The following MYRFL variants were observed in gnomAD, a reference collection of about 807,000 sequenced individuals.
MYRFL encodes myelin regulatory factor like.
A neutral mutation model predicts 109.4 loss-of-function variants in MYRFL; 88 were observed. The ratio of observed to expected loss-of-function variants is 0.80; its 90% CI spans 0.68 to 0.96. The LOEUF (loss-of-function observed/expected upper bound fraction) is 0.96, where lower values mean the gene tolerates loss of function less well. MYRFL is among the 40% of genes least tolerant of loss of function. MYRFL has a pLI of 0.00. For synonymous variants in MYRFL, 324 were observed against 320.9 expected (o/e 1.01, Z -0.10); for missense variants, 957 against 954.9 (o/e 1.00, Z -0.03).
intron 2 of MYRFL, among the ~76,000 whole-genome samples, chr12:69,864,108 A>G (rs180766116): frequency 2.0e-5 from 3 of 152,216 alleles, no homozygotes; most frequent in East Asian, 3.9e-4. Flanking sequence ...CAGTTTGATT[A>G]TATGTTTCTA....
chr12:69,891,637 T>TTTCTTTCTTTCTGTCTTTC (rs1566002318), intron 7 of MYRFL, among the ~76,000 whole-genome samples: 1 of 53,788 alleles, frequency 1.9e-5, no homozygotes, highest in African/African-American at 5.7e-5. Context: ...CTTCCTTTCT[T>TTTCTTTCTTTCTGTCTTTC]TTTCTTTCTT....
intron 1 of MYRFL, among the ~76,000 whole-genome samples, chr12:69,835,070 A>G (rs1459126117): frequency 3.3e-5 from 5 of 152,198 alleles, no homozygotes; most frequent in Admixed American, 6.5e-5. Flanking sequence ...AGAGACTGCA[A>G]ATTCATTTTA....
At chr12:69,862,977 C>T (rs1884786479) in intron 2 of MYRFL, among the ~76,000 whole-genome samples, 1 of 151,742 alleles carries the variant, frequency 6.6e-6, no homozygotes, top group African/African-American at 2.4e-5. Flanking sequence ...TGAATTTTGT[C>T]AAAGGCCTTT....
intron 2 of MYRFL, among the ~76,000 whole-genome samples, chr12:69,877,935 C>T (rs2136331766): frequency 6.6e-6 from 1 of 152,192 alleles, no homozygotes; most frequent in East Asian, 1.9e-4. Context: ...TGGTAGTACA[C>T]ATTTTTTTAA....
intron 10 of MYRFL, among the ~76,000 whole-genome samples, chr12:69,900,642 G>T (rs1954153056): frequency 6.6e-6 from 1 of 152,126 alleles, no homozygotes; most frequent in African/African-American, 2.4e-5. Flanking sequence ...GTGCAAAAAT[G>T]GACTTCCTAA....
At chr12:69,922,721 A>G (rs1367188717) in intron 13 of MYRFL, among the ~76,000 whole-genome samples, 2 of 152,232 alleles carry the variant, frequency 1.3e-5, no homozygotes, top group Non-Finnish European at 2.9e-5. Context: ...CTAAAAATGT[A>G]CAGTAATTTC....
chr12:69,943,444 A>G (rs1333590205), intron 19 of MYRFL, among the ~76,000 whole-genome samples: 86 of 147,230 alleles, frequency 5.8e-4, no homozygotes, highest in Non-Finnish European at 1.3e-4. Context: ...AGGATTCCCT[A>G]TTTAATAAAT....
chr12:69,938,831 T>C (rs1249670313), intron 19 of MYRFL, among the ~76,000 whole-genome samples: 1 of 151,932 alleles, frequency 6.6e-6, no homozygotes, highest in East Asian at 1.9e-4. Flanking sequence ...GGTCAGTGGG[T>C]GCGCGCACCG....
chr12:69,853,279 A>G (rs1381878017), intron 1 of MYRFL, among the ~76,000 whole-genome samples: 3 of 148,846 alleles, frequency 2.0e-5, no homozygotes, highest in African/African-American at 5.0e-5. Context: ...TCTCCTGGAC[A>G]GGGCGGCTGC....
At chr12:69,865,466 C>T (rs534933569) in intron 2 of MYRFL, among the ~76,000 whole-genome samples, 13 of 151,976 alleles carry the variant, frequency 8.6e-5, no homozygotes, top group African/African-American at 2.7e-4. Context: ...TTTTATGGCT[C>T]GCTTTATGGG....
intron 2 of MYRFL, among the ~76,000 whole-genome samples, chr12:69,877,723 A>G (rs1287447228): frequency 6.6e-6 from 1 of 152,164 alleles, no homozygotes; most frequent in East Asian, 1.9e-4. Context: ...TTGAGGAGAA[A>G]ACAACTTTTC....
chr12:69,919,942 G>A (rs189606083), intron 13 of MYRFL, among the ~76,000 whole-genome samples: 1 of 152,110 alleles, frequency 6.6e-6, no homozygotes, highest in East Asian at 1.9e-4. Context: ...AGTTACCCTC[G>A]CTCAGTGTCA....
In MYRFL at chr12:69,890,994, T is replaced by C. The variant is rs1886763208; in HGVS notation, c.731T>C (p.Val244Ala). ...EKLPDVGYRV[V>A]TDKGFNFSPA... ...AGACCTGATGTGGGCTATCGAGTTG[T>C]AACAGACAAAGGATTTAATTTTTCA... Residue 244 changes from valine to alanine, a missense_variant, in exon 7 of 25, where the codon GTA becomes GCA. Physicochemically the swap from Val to Ala is moderately conservative, Grantham distance 64. Transcript: ENST00000552032. 2 of 1,531,662 alleles carry C rather than the reference T, an allele frequency of 1.3e-6. No individual in the cohort carries two copies. The highest frequency in any genetic ancestry group is 1.7e-6 in the Non-Finnish European group (2 of 1,145,150). 94.9% of individuals were successfully genotyped at this position (1,531,662 alleles called of 1,614,324 possible).
At chr12:69,950,053 C>T (rs1005712349) in intron 19 of MYRFL, among the ~76,000 whole-genome samples, 3 of 152,092 alleles carry the variant, frequency 2.0e-5, no homozygotes, top group African/African-American at 7.2e-5. Flanking sequence ...ATATGTCCCA[C>T]AGAATTTCCT....
intron 22 of MYRFL, 30 bp downstream of exon 22, chr12:69,955,467 A>C: frequency 1.8e-6 from 1 of 563,312 alleles, no homozygotes; most frequent in South Asian, 2.5e-5. Flanking sequence ...AAACAATTTC[A>C]TTTTTATCAT....
Position 69,903,837 on chromosome 12 carries a change from T to A in MYRFL, c.1376T>A (p.Ile459Asn). ...HPSDSRAKQN[I>N]QEVDTNEQLK... is the part of the protein sequence containing the mutation. ...TCTGACAGCCGGGCAAAGCAGAATA[T>A]CCAGGAGGTGAGCACAGATTCAGGC... is the stretch of plus-strand genomic sequence containing the variant. The change falls in exon 11 of 25, where the codon ATC becomes AAC. Residue 459 changes from isoleucine (I) to asparagine (N), a missense_variant. Coordinates refer to ENST00000552032, the MANE Select transcript of MYRFL (RefSeq NM_182530.3). 1 of 1,529,758 alleles carries A rather than the reference T, an allele frequency of 6.5e-7. No individual in the cohort carries two copies. The highest frequency in any genetic ancestry group is 2.5e-5 in the East Asian group (1 of 40,802). The allele number at this position is 1,529,758 out of a possible 1,614,324, so 94.8% of individuals were successfully genotyped here.
chr12:69,895,587 C>G, intron 9 of MYRFL, 106 bp downstream of exon 9: 1 of 793,802 alleles, frequency 1.3e-6, no homozygotes, highest in Non-Finnish European at 2.0e-6. Context: ...AGCCAGAACA[C>G]AGGGCCTCTA....
rs1885850235 is a variant in MYRFL, at chr12:69,878,735, GATT to G, written c.138-289_138-287del. 2.0e-5 allele frequency among the ~76,000 whole-genome samples: 3 copies of G among 152,244 alleles called. No individual in the cohort carries two copies. In the South Asian group the frequency reaches 6.2e-4, roughly 32 times the overall value. ...AACAATGCTGTGAGGTAGATGTAAT[GATT>G]ATTTCCATTTTGTAGATGAGGAAAT... On this transcript the variant is annotated intron_variant, in intron 2 of 24. Transcript: ENST00000552032.
intron 6 of MYRFL, among the ~76,000 whole-genome samples, chr12:69,890,569 A>G (rs549032767): frequency 4.3e-4 from 65 of 152,280 alleles, no homozygotes; most frequent in African/African-American, 1.5e-3. Context: ...CCCTGTCTCT[A>G]CTAAAAATAC....
Sources: gnomAD v4.1 joint callset for allele counts (sites outside exome capture counted in the v4.1 genomes callset) on GRCh38, gnomAD v4.1.1 for gene constraint, MANE v1.5 for transcripts, NCBI Gene and HGNC (gene_info 2026-07-23, HGNC 2026-07-21) for gene names.